DKK2: variants seen among roughly 807,000 people sequenced by gnomAD.
DKK2 encodes dickkopf-related protein 2.
Under a neutral mutation model 28.1 loss-of-function variants are expected in DKK2, and 11 were observed. The observed-to-expected ratio is 0.39, with a 90% CI of 0.25 to 0.65. DKK2 has a LOEUF of 0.65. Ranked by LOEUF, DKK2 falls within the 30% of genes least tolerant of loss-of-function variation. The pLI is 0.47. For synonymous variants in DKK2, 135 were observed against 126.5 expected, an observed-to-expected ratio of 1.07 and a Z score of -0.45; for missense variants, 326 against 335.5, an observed-to-expected ratio of 0.97 and a Z score of 0.22.
chr4:106,973,579 G>T (rs1450579815), intron 1 of DKK2, among the ~76,000 whole-genome samples: 2 of 152,038 alleles, frequency 1.3e-5, no homozygotes, highest in Non-Finnish European at 2.9e-5. Context: ...TTTTGATGGG[G>T]TTTTTGTTTT....
At chr4:107,010,232 C>G (rs1339694319) in intron 1 of DKK2, among the ~76,000 whole-genome samples, 3 of 151,656 alleles carry the variant, frequency 2.0e-5, no homozygotes, top group African/African-American at 7.3e-5. Flanking sequence ...TTGGTTGAAG[C>G]CTCATCAACT....
At chr4:107,026,891 G>T (rs1311331650) in intron 1 of DKK2, among the ~76,000 whole-genome samples, 7 of 152,108 alleles carry the variant, frequency 4.6e-5, no homozygotes, top group African/African-American at 1.7e-4. Flanking sequence ...GTAGATGGCT[G>T]CATATTCCAA....
intron 1 of DKK2, among the ~76,000 whole-genome samples, chr4:106,929,014 A>C (rs1400521014): frequency 6.6e-6 from 1 of 152,284 alleles, no homozygotes; most frequent in African/African-American, 2.4e-5. Context: ...GGAATTATAT[A>C]CATTAATTAA....
chr4:107,023,623 G>A (rs1723728080), intron 1 of DKK2, among the ~76,000 whole-genome samples: 1 of 152,100 alleles, frequency 6.6e-6, no homozygotes, highest in Admixed American at 6.6e-5. Context: ...GAGCCCTTGT[G>A]TATGGGTTTT....
intron 1 of DKK2, among the ~76,000 whole-genome samples, chr4:106,951,102 A>G (rs1403749355): frequency 6.6e-6 from 1 of 152,110 alleles, no homozygotes; most frequent in African/African-American, 2.4e-5. Context: ...TCAGTGTACA[A>G]ACATATCAAA....
At chr4:106,967,479 G>A (rs1722799874) in intron 1 of DKK2, among the ~76,000 whole-genome samples, 1 of 152,096 alleles carries the variant, frequency 6.6e-6, no homozygotes, top group Admixed American at 6.6e-5. Context: ...GGAAAAAGAA[G>A]GTGAGGCCCC....
intron 1 of DKK2, among the ~76,000 whole-genome samples, chr4:106,957,740 C>G (rs1194905327): frequency 9.9e-6 from 1 of 101,382 alleles, no homozygotes; most frequent in African/African-American, 4.0e-5. Context: ...ACATCACACT[C>G]TGGGGACTGT....
chr4:106,929,639 A>G (rs544295343), intron 1 of DKK2, among the ~76,000 whole-genome samples: 1 of 152,338 alleles, frequency 6.6e-6, no homozygotes, highest in Non-Finnish European at 1.5e-5. Flanking sequence ...AATTTCCACA[A>G]ATAGCAGTGT....
intron 1 of DKK2, among the ~76,000 whole-genome samples, chr4:106,927,249 A>C (rs1040409545): frequency 3.3e-5 from 5 of 151,324 alleles, no homozygotes; most frequent in African/African-American, 7.3e-5. Flanking sequence ...TTTTCCTTTT[A>C]TTTCTTTTAC....
chr4:107,017,362 A>G (rs935024147), intron 1 of DKK2, among the ~76,000 whole-genome samples: 1 of 152,048 alleles, frequency 6.6e-6, no homozygotes, highest in African/African-American at 2.4e-5. Context: ...ATAGCTGTTT[A>G]AAGGCAGAGC....
chr4:106,986,026 G>T (rs769228264), intron 1 of DKK2, among the ~76,000 whole-genome samples: 2 of 152,036 alleles, frequency 1.3e-5, no homozygotes, highest in Non-Finnish European at 2.9e-5. Flanking sequence ...ACCACTTAAT[G>T]GTGACTCAGA....
intron 1 of DKK2, among the ~76,000 whole-genome samples, chr4:107,026,430 T>A (rs1025035727): frequency 6.6e-6 from 1 of 152,200 alleles, no homozygotes; most frequent in Admixed American, 6.5e-5. Flanking sequence ...TTTGTGCATA[T>A]TATATTAACA....
At chr4:107,007,504 C>A (rs1197200194) in intron 1 of DKK2, among the ~76,000 whole-genome samples, 1 of 151,950 alleles carries the variant, frequency 6.6e-6, no homozygotes, top group African/African-American at 2.4e-5. Context: ...AAAAACACTA[C>A]AAAATAAGAA....
rs1483792836 is a variant in DKK2 at position 106,922,126 on chromosome 4, A to G, written c.*1828T>C. Reference sequence around the variant, plus strand: ...TATACAAACTTTGGTTCTTGGATGGACTAGTTTATAATTTTTGTTTTTGCA... The same window carrying G: ...TATACAAACTTTGGTTCTTGGATGGGCTAGTTTATAATTTTTGTTTTTGCA... On this transcript the variant is annotated 3_prime_UTR_variant, in exon 4 of 4. Coordinates refer to ENST00000285311, the MANE Select transcript of DKK2 (RefSeq NM_014421.3). The G allele has an allele frequency of 2.6e-5, 4 of 152,556 alleles. No homozygotes were observed. Among genetic ancestry groups the G allele is most frequent in the Non-Finnish European group, 4.4e-5 (3 of 68,014 alleles). The allele number at this position is 152,556 out of a possible 1,614,324, so 9.5% of individuals were successfully genotyped here.
chr4:106,947,380 T>C (rs1026661594), intron 1 of DKK2, among the ~76,000 whole-genome samples: 7 of 152,122 alleles, frequency 4.6e-5, no homozygotes, highest in Non-Finnish European at 1.0e-4. Context: ...AAAGGTACCG[T>C]ACCCTGTGAC....
chr4:106,972,694 T>C (rs1448756894), intron 1 of DKK2, among the ~76,000 whole-genome samples: 1 of 152,080 alleles, frequency 6.6e-6, no homozygotes. Context: ...AGGCCATGAG[T>C]ACCAATGTAT....
chr4:106,939,512 T>C (rs1724657166), intron 1 of DKK2, among the ~76,000 whole-genome samples: 2 of 152,118 alleles, frequency 1.3e-5, no homozygotes, highest in South Asian at 4.1e-4. Flanking sequence ...AGAATCAATA[T>C]CATGAAAATG....
chr4:106,938,511 T>G (rs1194004416), intron 1 of DKK2, among the ~76,000 whole-genome samples: 1 of 152,192 alleles, frequency 6.6e-6, no homozygotes, highest in Non-Finnish European at 1.5e-5. Context: ...CAGGACCAGA[T>G]GGATTCACAG....
intron 1 of DKK2, among the ~76,000 whole-genome samples, chr4:106,983,670 C>T (rs533292086): frequency 1.1e-4 from 17 of 152,226 alleles, no homozygotes; most frequent in African/African-American, 4.1e-4. Flanking sequence ...GATTAAAGGA[C>T]AAGTGGCAGA....
Sources: allele counts gnomAD v4.1 joint callset (sites outside exome capture counted in the v4.1 genomes callset), GRCh38; gene constraint gnomAD v4.1.1; transcripts MANE v1.5; gene names NCBI Gene and HGNC (gene_info 2026-07-23, HGNC 2026-07-21).